Variants in DNAH8 observed in about 807,000 individuals in gnomAD.
The protein encoded by DNAH8 is dynein axonemal heavy chain 8.
In DNAH8, 382 loss-of-function variants were observed where a neutral mutation model predicts 562.1. That is an observed-to-expected ratio of 0.68 (90% confidence interval 0.63 to 0.74). DNAH8 has a LOEUF of 0.74. Ranked by LOEUF, DNAH8 falls within the 30% of genes least tolerant of loss-of-function variation. The pLI, the probability that DNAH8 is intolerant of heterozygous loss-of-function variation, is 0.00. For synonymous variants in DNAH8, 1,881 were observed against 1,919.4 expected, an observed-to-expected ratio of 0.98 and a Z score of 0.52; for missense variants, 5,203 against 5,620.4, an observed-to-expected ratio of 0.93 and a Z score of 2.37.
chr6:38,921,837 C>T (rs184592517), intron 71 of DNAH8, among the ~76,000 whole-genome samples: 18 of 152,120 alleles, frequency 1.2e-4, no homozygotes, highest in South Asian at 6.2e-4. Context: ...TGGGTGCAGG[C>T]GAGCTGAGTC....
chr6:38,990,537 C>T (rs1764709938), intron 88 of DNAH8, among the ~76,000 whole-genome samples: 1 of 152,192 alleles, frequency 6.6e-6, no homozygotes, highest in African/African-American at 2.4e-5. Context: ...ATATAATGCT[C>T]ATAAATAGAA....
At chr6:38,983,286 C>T (rs1764162003) in intron 86 of DNAH8, among the ~76,000 whole-genome samples, 1 of 152,102 alleles carries the variant, frequency 6.6e-6, no homozygotes, top group East Asian at 1.9e-4. Context: ...GCAGTCTGGC[C>T]CCCTCTTCTT....
intron 45 of DNAH8, among the ~76,000 whole-genome samples, chr6:38,865,810 C>A (rs1211400786): frequency 1.3e-5 from 2 of 152,146 alleles, no homozygotes; most frequent in Non-Finnish European, 2.9e-5. Flanking sequence ...TGAGAGGCAG[C>A]CTCAATTTCT....
At chr6:39,000,781 T>A (rs1765432087) in intron 88 of DNAH8, among the ~76,000 whole-genome samples, 1 of 152,120 alleles carries the variant, frequency 6.6e-6, no homozygotes, top group South Asian at 2.1e-4. Flanking sequence ...TCCCGAAACT[T>A]TTCCGCCGCC....
chr6:38,853,488 C>T, intron 41 of DNAH8, 141 bp downstream of exon 41: 2 of 883,858 alleles, frequency 2.3e-6, no homozygotes, highest in East Asian at 2.7e-5. Context: ...CTCATTTTAG[C>T]CTCAGCTCCC....
intron 70 of DNAH8, among the ~76,000 whole-genome samples, 187 bp downstream of exon 70, chr6:38,918,327 G>A (rs1033392943): frequency 1.3e-5 from 2 of 152,008 alleles, no homozygotes; most frequent in Non-Finnish European, 2.9e-5. Context: ...CATGTTTCTT[G>A]ACAATGCAGG....
In DNAH8 at chr6:38,786,726, A is replaced by G. The variant is rs1678666; in HGVS notation, c.2396-39A>G. 0.16 allele frequency: 249,330 copies of G among 1,583,464 alleles called. 21,149 individuals are homozygous for G. Among genetic ancestry groups the G allele is most frequent in the East Asian group, 0.34 (14,866 of 44,284 alleles). On this transcript the variant is annotated intron_variant, in intron 17 of 92. Transcript: ENST00000327475. Reference sequence around the variant, plus strand: ...TAAACACAGCTGGAAGCAGAAAGGAAATTCAGAATGAGTAATGTCAATCAT... The same window carrying G: ...TAAACACAGCTGGAAGCAGAAAGGAGATTCAGAATGAGTAATGTCAATCAT...
At chr6:38,824,976 A>T (rs1773185241) in intron 28 of DNAH8, among the ~76,000 whole-genome samples, 1 of 152,144 alleles carries the variant, frequency 6.6e-6, no homozygotes, top group African/African-American at 2.4e-5. Flanking sequence ...ATTATTTTTT[A>T]AAAGTTCACA....
chr6:38,848,711 T>C lies in DNAH8; in HGVS notation c.5109T>C (p.Asp1703=), dbSNP rs775867296. The C allele has an allele frequency of 1.2e-6, 2 of 1,612,270 alleles. No homozygotes were observed. The highest frequency in any genetic ancestry group is 2.2e-5 in the South Asian group (2 of 91,006). ...NWVYKLSTSS[D]IIEEWLVVQN... ...TGTATAAATTGTCCACTTCCTCAGA[T>C]ATAATTGAAGAGTGGCTCGTAGTAC... The change falls in exon 37 of 93, where the codon GAT becomes GAC. Residue 1703 remains aspartate (D), a synonymous_variant. Coordinates refer to ENST00000327475, the MANE Select transcript of DNAH8 (RefSeq NM_001206927.2).
intron 32 of DNAH8, 70 bp from the exon 33 acceptor site, chr6:38,837,872 G>T: frequency 8.8e-7 from 1 of 1,139,216 alleles, no homozygotes. Flanking sequence ...TTATCCCAAT[G>T]AAAATAAATT....
intron 8 of DNAH8, among the ~76,000 whole-genome samples, chr6:38,749,044 T>A (rs1387909312): frequency 6.6e-6 from 1 of 152,036 alleles, no homozygotes; most frequent in Non-Finnish European, 1.5e-5. Context: ...GCATATGTAT[T>A]TAGAGTGATG....
At position 38,923,042 on chromosome 6, in the gene DNAH8, C is replaced by G. The variant is rs1462478980; in HGVS notation, c.10663-16C>G. 1 of 1,605,176 alleles carries G rather than the reference C, an allele frequency of 6.2e-7. No homozygotes were observed. Among genetic ancestry groups the G allele is most frequent in the East Asian group, 2.2e-5 (1 of 44,734 alleles). ...TTAGAAAAGTTTTTTGAGACATTCT[C>G]CCATTATGGCTGCAGGATTTGCTTA... On this transcript the variant is annotated splice_polypyrimidine_tract_variant and intron_variant, in intron 71 of 92. Transcript: ENST00000327475.
intron 7 of DNAH8, among the ~76,000 whole-genome samples, chr6:38,739,645 T>C (rs1222265431): frequency 6.6e-6 from 1 of 151,966 alleles, no homozygotes; most frequent in Non-Finnish European, 1.5e-5. Context: ...AGCCTCAAAA[T>C]AAATAAATAA....
chr6:38,900,803 G>C (rs1440794343), intron 62 of DNAH8, among the ~76,000 whole-genome samples: 2 of 152,046 alleles, frequency 1.3e-5, no homozygotes, highest in South Asian at 4.2e-4. Flanking sequence ...TTTTAGTAGA[G>C]ACGGGGTTTC....
chr6:38,723,907 C>T (rs1174468280), intron 3 of DNAH8, among the ~76,000 whole-genome samples: 1 of 151,728 alleles, frequency 6.6e-6, no homozygotes, highest in Non-Finnish European at 1.5e-5. Context: ...TGGAATTTTA[C>T]TGACTAGAGG....
At chr6:38,813,208 C>G (rs568002086) in intron 24 of DNAH8, among the ~76,000 whole-genome samples, 1 of 152,294 alleles carries the variant, frequency 6.6e-6, no homozygotes, top group East Asian at 1.9e-4. Flanking sequence ...CACTTTGAAT[C>G]AATGCCCACA....
Position 38,734,399 on chromosome 6 carries a change from T to C in DNAH8, c.611-75T>C, listed in dbSNP as rs543971560. The C allele has an allele frequency of 1.4e-5, 21 of 1,505,140 alleles. 1 individual carries two copies. Among genetic ancestry groups the C allele is most frequent in the Middle Eastern group, 2.3e-4 (1 of 4,372 alleles). The allele number at this position is 1,505,140 out of a possible 1,614,324, so 93.2% of individuals were successfully genotyped here. On this transcript the variant is annotated intron_variant, in intron 4 of 92. Transcript: ENST00000327475. The stretch of plus-strand genomic sequence containing the variant: ...AATAAAGTAAAACAGGAAACAATAG[T>C]GTAAGAGCCACAGTAACTTATCTCA...
At position 38,984,326 on chromosome 6, in the gene DNAH8, A is replaced by C. The variant is rs1369425066; in HGVS notation, c.13053+19A>C. ...TGCCAGAGTAAGTCAATTTAGAAAA[A>C]TAAAGTTTGGAGACACATTTCACTG... On this transcript the variant is annotated intron_variant, in intron 87 of 92. Coordinates refer to ENST00000327475, the MANE Select transcript of DNAH8 (RefSeq NM_001206927.2). 4 of 1,534,582 alleles carry C rather than the reference A, an allele frequency of 2.6e-6. No homozygotes were observed. In the Admixed American group the frequency reaches 6.7e-5, roughly 26 times the overall value.
At chr6:38,849,056 A>C (rs1775535516) in intron 37 of DNAH8, among the ~76,000 whole-genome samples, 1 of 152,172 alleles carries the variant, frequency 6.6e-6, no homozygotes, top group Non-Finnish European at 1.5e-5. Context: ...TATACGGCCC[A>C]AAAAGTCTAA....
Sources: allele counts gnomAD v4.1 joint callset (sites outside exome capture counted in the v4.1 genomes callset), GRCh38; gene constraint gnomAD v4.1.1; transcripts MANE v1.5; gene names NCBI Gene and HGNC (gene_info 2026-07-23, HGNC 2026-07-21).